The following SNX29 variants were observed in gnomAD, a reference collection of about 807,000 sequenced individuals.
The protein encoded by SNX29 is sorting nexin-29.
SNX29 carries 78 observed loss-of-function variants against 102.1 expected under a neutral mutation model. The observed-to-expected ratio is 0.76, with a 90% confidence interval of 0.64 to 0.92. SNX29 has a LOEUF of 0.92. SNX29 is among the 40% of genes least tolerant of loss of function. The pLI is 0.00. For missense variants in SNX29, 1,280 were observed against 1,061.7 expected, an observed-to-expected ratio of 1.21 and a Z score of -2.86; for synonymous variants, 580 against 414.5, an observed-to-expected ratio of 1.40 and a Z score of -4.85.
chr16:12,048,735 G>C lies in SNX29; in HGVS notation c.748+115G>C. 1.9e-6 allele frequency: 3 copies of C among 1,555,834 alleles called. No individual in the cohort carries two copies. In the South Asian group the frequency reaches 3.4e-5, roughly 18 times the overall value. On this transcript the variant is annotated intron_variant, in intron 7 of 20. Coordinates refer to ENST00000566228, the MANE Select transcript of SNX29 (RefSeq NM_032167.5). ...AAGGGGAATGGAGTCCAGTGCACTT[G>C]CGTTTTCCATTTGTGTTTCTGTTTC...
intron 13 of SNX29, among the ~76,000 whole-genome samples, chr16:12,173,464 G>A (rs2076194213): frequency 6.6e-6 from 1 of 152,164 alleles, no homozygotes; most frequent in Admixed American, 6.5e-5. Flanking sequence ...ATGCTGGCTG[G>A]GTTTGGCCTG....
At chr16:12,193,116 T>C (rs1465187072) in intron 13 of SNX29, among the ~76,000 whole-genome samples, 4 of 152,220 alleles carry the variant, frequency 2.6e-5, no homozygotes, top group Admixed American at 2.0e-4. Context: ...ATTACAGGAA[T>C]GTGCCACTGC....
intron 15 of SNX29, among the ~76,000 whole-genome samples, chr16:12,306,737 A>G (rs1331819139): frequency 1.3e-5 from 2 of 152,226 alleles, no homozygotes; most frequent in African/African-American, 4.8e-5. Flanking sequence ...CTTCCCCAGC[A>G]CTTTAGAAAT....
intron 20 of SNX29, among the ~76,000 whole-genome samples, chr16:12,535,135 GC>G (rs2077038686): frequency 6.6e-6 from 1 of 152,112 alleles, no homozygotes. Flanking sequence ...CAGGTATTAG[GC>G]CAGGAGCTTT....
At chr16:12,334,047 T>C (rs76240172) in intron 15 of SNX29, among the ~76,000 whole-genome samples, 10,712 of 152,196 alleles carry the variant, frequency 0.07, 1,239 homozygotes, top group African/African-American at 0.24. Flanking sequence ...TAGACGGCCT[T>C]GTAGGGAAGC....
At position 12,178,064 on chromosome 16, in the gene SNX29, C is replaced by G. The variant is rs561595598; in HGVS notation, c.1596-21537C>G. ...CTGTTTCAGACATTGCTGGTAAATG[C>G]TCTATGTCATCTTAGTTTTCATATG... On this transcript the variant is annotated intron_variant, in intron 13 of 20. Coordinates refer to ENST00000566228, the MANE Select transcript of SNX29 (RefSeq NM_032167.5). Among the ~76,000 whole-genome samples the G allele has an allele frequency of 3.3e-5, 5 of 152,326 alleles. No homozygotes were observed. In the South Asian group the frequency reaches 1.0e-3, roughly 32 times the overall value.
At chr16:12,504,091 C>G (rs67054068) in intron 19 of SNX29, among the ~76,000 whole-genome samples, 1 of 152,014 alleles carries the variant, frequency 6.6e-6, no homozygotes. Flanking sequence ...AGCAACCACT[C>G]ATCTGTTTTC....
chr16:12,527,894 G>A lies in SNX29; in HGVS notation c.2318+3053G>A, dbSNP rs533379049. ...AACTGGAGTCCAGTGGCATGATCTC[G>A]GCTCACTGTAAGCTCTGCCTCCCAG... On this transcript the variant is annotated intron_variant, in intron 20 of 20. Transcript: ENST00000566228. Among the ~76,000 whole-genome samples, 15 of 146,962 alleles carry A rather than the reference G, an allele frequency of 1.0e-4. 1 individual carries two copies. The South Asian group carries it at 2.8e-3, about 27-fold the overall frequency.
intron 18 of SNX29, among the ~76,000 whole-genome samples, chr16:12,462,903 C>G (rs1393594359): frequency 2.0e-5 from 3 of 152,216 alleles, no homozygotes; most frequent in Admixed American, 6.5e-5. Flanking sequence ...CATGTGACTG[C>G]AGGATGAAGT....
chr16:12,545,922 C>T (rs954360449), intron 20 of SNX29, among the ~76,000 whole-genome samples: 2 of 152,072 alleles, frequency 1.3e-5, no homozygotes, highest in African/African-American at 2.4e-5. Flanking sequence ...GTGTTCGGGG[C>T]TATTAATATT....
intron 8 of SNX29, among the ~76,000 whole-genome samples, chr16:12,059,372 C>G (rs1043608577): frequency 6.6e-6 from 1 of 152,196 alleles, no homozygotes. Context: ...TGACAGATTC[C>G]AGAGGCACAG....
chr16:12,065,830 G>C (rs1181469458), intron 9 of SNX29, among the ~76,000 whole-genome samples: 2 of 152,156 alleles, frequency 1.3e-5, no homozygotes, highest in African/African-American at 2.4e-5. Flanking sequence ...TACAGGCTCA[G>C]CTCTGCCATT....
intron 15 of SNX29, among the ~76,000 whole-genome samples, chr16:12,343,126 C>T (rs184187488): frequency 2.0e-5 from 3 of 152,260 alleles, no homozygotes; most frequent in African/African-American, 4.8e-5. Flanking sequence ...TGTGCTACTT[C>T]GAAGGGAATA....
intron 1 of SNX29, among the ~76,000 whole-genome samples, chr16:11,980,033 G>A (rs2055380741): frequency 6.6e-6 from 1 of 152,116 alleles, no homozygotes; most frequent in Admixed American, 6.6e-5. Context: ...AATCTTTTAG[G>A]TCTCTCCCTC....
chr16:12,548,078 TAAA>T (rs1003358708), intron 20 of SNX29, among the ~76,000 whole-genome samples: 2 of 152,154 alleles, frequency 1.3e-5, no homozygotes, highest in African/African-American at 2.4e-5. Flanking sequence ...AGGCATGACA[TAAA>T]AAGATGTTGC....
At chr16:12,027,213 G>A (rs984355781) in intron 3 of SNX29, 107 bp from the exon 4 acceptor site, 13 of 1,413,248 alleles carry the variant, frequency 9.2e-6, no homozygotes, top group Admixed American at 6.0e-5. Context: ...CTGCCTTCAC[G>A]CTGAGGTTTA....
chr16:12,572,564 G>A lies in SNX29; in HGVS notation c.*3935G>A. The A allele has an allele frequency of 3.8e-6, 4 of 1,064,020 alleles. No homozygotes were observed. Among genetic ancestry groups the A allele is most frequent in the Non-Finnish European group, 4.6e-6 (4 of 878,428 alleles). The allele number at this position is 1,064,020 out of a possible 1,614,324, so 65.9% of individuals were successfully genotyped here. A position where few individuals can be genotyped will look rare whatever the true frequency, so the allele number is the denominator to read the frequency against. ...GCGACACCATCTGGCTCCTCACAGGGAGGTCCAGCCATGTTCTCTGGGCTC... is the reference window on the plus strand; with the variant it reads ...GCGACACCATCTGGCTCCTCACAGGAAGGTCCAGCCATGTTCTCTGGGCTC... On this transcript the variant is annotated 3_prime_UTR_variant, in exon 21 of 21. Coordinates refer to ENST00000566228, the MANE Select transcript of SNX29 (RefSeq NM_032167.5).
chr16:12,359,816 T>TTTTTA (rs1020296513), intron 16 of SNX29, among the ~76,000 whole-genome samples: 1 of 152,162 alleles, frequency 6.6e-6, no homozygotes, highest in Non-Finnish European at 1.5e-5. Flanking sequence ...ATCACACCTA[T>TTTTTA]TTTTATTTTA....
chr16:12,499,733 G>A (rs2089015319), intron 19 of SNX29, among the ~76,000 whole-genome samples: 1 of 152,166 alleles, frequency 6.6e-6, no homozygotes, highest in Non-Finnish European at 1.5e-5. Context: ...GAGTTCGGTG[G>A]CACAATCACG....
Sources: allele counts gnomAD v4.1 joint callset (sites outside exome capture counted in the v4.1 genomes callset), GRCh38; gene constraint gnomAD v4.1.1; transcripts MANE v1.5; gene names NCBI Gene and HGNC (gene_info 2026-07-23, HGNC 2026-07-21).